The following SOX5 variants were observed in gnomAD, a reference collection of about 807,000 sequenced individuals.
SOX5 encodes transcription factor SOX-5.
A neutral mutation model predicts 92.0 loss-of-function variants in SOX5; 9 were observed. That is an observed-to-expected ratio of 0.10 (90% CI 0.06 to 0.17). SOX5 has a LOEUF of 0.17. Ranked by LOEUF, SOX5 falls within the 10% of genes least tolerant of loss-of-function variation. SOX5 has a pLI of 1.00. For synonymous variants in SOX5, 344 were observed against 336.3 expected, an observed-to-expected ratio of 1.02 and a Z score of -0.25; for missense variants, 642 against 944.5, an observed-to-expected ratio of 0.68 and a Z score of 4.20.
intron 1 of SOX5, among the ~76,000 whole-genome samples, chr12:24,446,316 C>T (rs1031167133): frequency 1.2e-4 from 18 of 152,186 alleles, no homozygotes; most frequent in African/African-American, 4.1e-4. Flanking sequence ...AAAAATGCCT[C>T]CTGACAAGCT....
At chr12:23,840,843 A>C (rs1056203164) in intron 3 of SOX5, among the ~76,000 whole-genome samples, 7 of 151,372 alleles carry the variant, frequency 4.6e-5, no homozygotes, top group Admixed American at 3.3e-4. Flanking sequence ...TTAACTCAAA[A>C]GGGATCACAG....
At chr12:23,818,445 T>G (rs1390789778) in intron 3 of SOX5, among the ~76,000 whole-genome samples, 1 of 152,144 alleles carries the variant, frequency 6.6e-6, no homozygotes, top group African/African-American at 2.4e-5. Context: ...TATAGGGTAT[T>G]TACTATGAAC....
intron 1 of SOX5, among the ~76,000 whole-genome samples, chr12:24,375,041 C>T (rs570300855): frequency 2.0e-5 from 3 of 152,028 alleles, no homozygotes; most frequent in Non-Finnish European, 4.4e-5. Flanking sequence ...GGTGCAATCT[C>T]GGCTCACTGC....
intron 5 of SOX5, 112 bp from the exon 6 acceptor site, chr12:23,734,864 T>C: frequency 1.3e-6 from 1 of 741,272 alleles, no homozygotes. Flanking sequence ...ATGATGAAAA[T>C]AGACGTGTCT....
intron 1 of SOX5, among the ~76,000 whole-genome samples, chr12:23,900,137 G>GA (rs944411019): frequency 3.9e-5 from 6 of 152,056 alleles, no homozygotes; most frequent in African/African-American, 1.4e-4. Context: ...AAGCTTACTT[G>GA]AAAAAAAGAA....
chr12:24,342,612 C>T (rs1324716424), intron 2 of SOX5, among the ~76,000 whole-genome samples: 3 of 152,156 alleles, frequency 2.0e-5, no homozygotes, highest in African/African-American at 7.2e-5. Context: ...AGATTTCTTA[C>T]CTATCTTCCT....
intron 2 of SOX5, among the ~76,000 whole-genome samples, chr12:23,871,492 TGA>T (rs965582880): frequency 2.6e-5 from 4 of 151,936 alleles, no homozygotes; most frequent in African/African-American, 9.7e-5. Flanking sequence ...TAAGAGGACA[TGA>T]GAGGAGAAAA....
chr12:24,143,261 A>T (rs1326098656), intron 4 of SOX5, among the ~76,000 whole-genome samples: 1 of 152,220 alleles, frequency 6.6e-6, no homozygotes, highest in Non-Finnish European at 1.5e-5. Flanking sequence ...GTACAAAAAT[A>T]TCTAGCATCC....
intron 2 of SOX5, among the ~76,000 whole-genome samples, chr12:24,335,456 T>G (rs1264140358): frequency 6.6e-6 from 1 of 152,098 alleles, no homozygotes; most frequent in Non-Finnish European, 1.5e-5. Flanking sequence ...ACTTACCTAA[T>G]CCTCCCAACA....
intron 13 of SOX5, among the ~76,000 whole-genome samples, chr12:23,538,030 T>G (rs554321497): frequency 6.6e-6 from 1 of 152,212 alleles, no homozygotes; most frequent in East Asian, 1.9e-4. Flanking sequence ...TCAACGCGAA[T>G]GCACAAAGAC....
chr12:24,476,072 T>C (rs1220729651), intron 1 of SOX5, among the ~76,000 whole-genome samples: 2 of 151,644 alleles, frequency 1.3e-5, no homozygotes, highest in East Asian at 3.9e-4. Flanking sequence ...CTATAGCATC[T>C]AACACGTGCT....
At chr12:24,008,091 C>G (rs1236263022) in intron 4 of SOX5, among the ~76,000 whole-genome samples, 5 of 151,918 alleles carry the variant, frequency 3.3e-5, no homozygotes, top group Non-Finnish European at 7.4e-5. Flanking sequence ...ATATCTGAAA[C>G]AAGAGACTAA....
intron 7 of SOX5, among the ~76,000 whole-genome samples, chr12:23,653,778 G>A (rs1441920116): frequency 6.6e-6 from 1 of 152,062 alleles, no homozygotes. Context: ...ACTTGAAGGT[G>A]AGGATTTCAG....
intron 4 of SOX5, among the ~76,000 whole-genome samples, chr12:24,137,085 A>G (rs1950171904): frequency 6.6e-6 from 1 of 152,236 alleles, no homozygotes; most frequent in African/African-American, 2.4e-5. Context: ...TATATTTCAC[A>G]TGTTCATGAT....
At chr12:24,344,281 C>CAAAAAAAAAAAAAA (rs61660537) in intron 2 of SOX5, among the ~76,000 whole-genome samples, 1 of 104,326 alleles carries the variant, frequency 9.6e-6, no homozygotes, top group African/African-American at 3.6e-5. Flanking sequence ...GACTCTGTCT[C>CAAAAAAAAAAAAAA]AAAAAAAAAA....
chr12:24,115,437 G>A (rs965196701), intron 4 of SOX5, among the ~76,000 whole-genome samples: 1 of 152,098 alleles, frequency 6.6e-6, no homozygotes, highest in Admixed American at 6.5e-5. Flanking sequence ...AAGTTTCTTG[G>A]TAAGTTACAT....
chr12:23,951,353 C>T (rs952560307), upstream of SOX5, among the ~76,000 whole-genome samples: 3 of 151,862 alleles, frequency 2.0e-5, no homozygotes, highest in East Asian at 5.8e-4. Context: ...TTCCAACTTC[C>T]CCTCCCAATT....
At chr12:23,999,241 G>C (rs1951362293) in intron 4 of SOX5, among the ~76,000 whole-genome samples, 1 of 149,542 alleles carries the variant, frequency 6.7e-6, no homozygotes, top group Admixed American at 6.7e-5. Context: ...CTTATATGTA[G>C]TATCTTTAAA....
At chr12:24,357,453 T>C (rs1409048117) in intron 2 of SOX5, 1 of 152,114 alleles carries the variant, frequency 6.6e-6, no homozygotes, top group African/African-American at 2.4e-5. Flanking sequence ...CACAAGGAAT[T>C]AGAATGCAAA....
Sources: gnomAD v4.1 joint callset for allele counts (sites outside exome capture counted in the v4.1 genomes callset) on GRCh38, gnomAD v4.1.1 for gene constraint, MANE v1.5 for transcripts, NCBI Gene and HGNC (gene_info 2026-07-23, HGNC 2026-07-21) for gene names.